SPDYE18: variants seen among roughly 807,000 people sequenced by gnomAD.
The protein encoded by SPDYE18 is speedy/RINGO cell cycle regulator family member E18.
A neutral mutation model predicts 44.9 loss-of-function variants in SPDYE18; 6 were observed. The ratio of observed to expected loss-of-function variants is 0.13; its 90% confidence interval spans 0.07 to 0.26. SPDYE18 has a LOEUF of 0.26. Among genes scored for constraint, SPDYE18 ranks in the 10% least tolerant of loss-of-function variants. The pLI is 1.00. For synonymous variants in SPDYE18, 35 were observed against 177.1 expected, an observed-to-expected ratio of 0.20 and a Z score of 6.37; for missense variants, 121 against 463.2, an observed-to-expected ratio of 0.26 and a Z score of 6.78.
In SPDYE18 at chr7:77,051,652, TC is replaced by T. The variant is rs1245300632; in HGVS notation, c.*272del. Among the ~76,000 whole-genome samples, 1 of 152,106 alleles carries T rather than the reference TC, an allele frequency of 6.6e-6. No homozygotes were observed. ...CAGGAAAGGGTGGAACTGGAAACACTCCTGTTTTCTTACTTTTCTCCAAGGA... is the reference window on the plus strand; with the variant it reads ...CAGGAAAGGGTGGAACTGGAAACACTCTGTTTTCTTACTTTTCTCCAAGGA... On this transcript the variant is annotated 3_prime_UTR_variant, in exon 9 of 9. Transcript: ENST00000510091.
At position 77,060,371 on chromosome 7, in the gene SPDYE18, C is replaced by T; in HGVS notation, c.142G>A (p.Glu48Lys). 6.5e-7 allele frequency: 1 copy of T among 1,535,498 alleles called. No individual in the cohort carries two copies. The highest frequency in any genetic ancestry group is 1.2e-5 in the South Asian group (1 of 83,964). The part of the protein sequence containing the change: ...GYPLQEVVDD[E>K]VLGPSAPGVD... ...CCCTCACCTGATGGTCCCAACACTT[C>T]ATCATCCACCACCTCCTGGAGGGGG... Residue 48 changes from glutamate (E) to lysine (K), a missense_variant, in exon 2 of 9, where the codon GAA becomes AAA. Physicochemically the swap from Glu to Lys is moderately conservative, Grantham distance 56. Transcript: ENST00000510091.
intron 6 of SPDYE18, among the ~76,000 whole-genome samples, chr7:77,053,643 C>T (rs1459191077): frequency 6.6e-6 from 1 of 152,328 alleles, no homozygotes. Context: ...AGTTGGAGAC[C>T]AGCCTGGTCA....
At position 77,055,554 on chromosome 7, in the gene SPDYE18, G is replaced by A. The variant is rs983110590; in HGVS notation, c.670-233C>T. Among the ~76,000 whole-genome samples, 54 of 125,518 alleles carry A rather than the reference G, an allele frequency of 4.3e-4. 2 individuals are homozygous for A. Among genetic ancestry groups the A allele is most frequent in the Non-Finnish European group, 7.0e-4 (43 of 61,336 alleles). The allele number at this position is 125,518 out of a possible 152,430, so 82.3% of individuals were successfully genotyped here. On this transcript the variant is annotated intron_variant, in intron 5 of 8. Coordinates refer to ENST00000510091, the MANE Select transcript of SPDYE18 (RefSeq NM_001394953.1). Reference sequence around the variant, plus strand: ...TGATGCTCCCAGGATGGTGGGCTCCGATGGGATCTTTGGAGGGGGTGTGTC... The same window carrying A: ...TGATGCTCCCAGGATGGTGGGCTCCAATGGGATCTTTGGAGGGGGTGTGTC...
At position 77,051,289 on chromosome 7, in the gene SPDYE18, CT is replaced by C; in HGVS notation, c.*635del. ...CTCTTAAAAATGAAAAGAAAATTAT[CT>C]TTATGTATATATAACAACTATAACT... On this transcript the variant is annotated 3_prime_UTR_variant, in exon 9 of 9. Coordinates refer to ENST00000510091, the MANE Select transcript of SPDYE18 (RefSeq NM_001394953.1). Among the ~76,000 whole-genome samples, 1 of 152,178 alleles carries C rather than the reference CT, an allele frequency of 6.6e-6. No homozygotes were observed. The highest frequency in any genetic ancestry group is 2.1e-4 in the South Asian group (1 of 4,828).
intron 6 of SPDYE18, among the ~76,000 whole-genome samples, chr7:77,054,541 G>A (rs1359806795): frequency 2.0e-5 from 3 of 151,268 alleles, no homozygotes; most frequent in Non-Finnish European, 3.0e-5. Flanking sequence ...CGAGTGATGC[G>A]AGGGGGACCT....
chr7:77,054,296 A>G (rs3864631), intron 6 of SPDYE18, among the ~76,000 whole-genome samples: 26 of 149,376 alleles, frequency 1.7e-4, no homozygotes, highest in African/African-American at 3.5e-4. Flanking sequence ...CATTTGGAAG[A>G]AGCAGTGAAG....
Position 77,060,438 on chromosome 7 carries a change from G to A in SPDYE18, c.75C>T (p.His25=), listed in dbSNP as rs1339298307. The A allele has an allele frequency of 6.5e-6, 10 of 1,535,348 alleles. No individual in the cohort carries two copies. Among genetic ancestry groups the A allele is most frequent in the Admixed American group, 3.9e-5 (2 of 50,970 alleles). The change falls in exon 2 of 9, where the codon CAC becomes CAT. Residue 25 remains histidine, a synonymous_variant. Transcript: ENST00000510091. The part of the protein sequence containing the change: ...TGKITTSRQP[H]PQNEQSLQRS... ...GCTGGAGACTCTGCTCATTCTGGGG[G>A]TGCGGTTGACGGCTGGTCGTGATCT...
In SPDYE18 at chr7:77,051,123, G is replaced by T. The variant is rs1286918341; in HGVS notation, c.*802C>A. On this transcript the variant is annotated 3_prime_UTR_variant, in exon 9 of 9. Transcript: ENST00000510091. ...ATCACCAGAATTATGTTTTTTTCTG[G>T]TGGGGAACTACCAATAGCTATAAAT... is the stretch of plus-strand genomic sequence containing the variant. Among the ~76,000 whole-genome samples, 25 of 151,936 alleles carry T rather than the reference G, an allele frequency of 1.6e-4. No individual in the cohort carries two copies. Among genetic ancestry groups the T allele is most frequent in the Admixed American group, 1.6e-3 (25 of 15,276 alleles).
At chr7:77,059,059 TCCTGCGTGGAGAGCTCAC>T in intron 3 of SPDYE18, 103 bp downstream of exon 3, 1 of 1,515,356 alleles carries the variant, frequency 6.6e-7, no homozygotes, top group Non-Finnish European at 8.8e-7. Context: ...TTCTGAGTCC[TCCTGCGTGGAGAGCTCAC>T]CCACTGGGGG....
intron 6 of SPDYE18, among the ~76,000 whole-genome samples, chr7:77,053,669 A>G (rs1789860710): frequency 1.3e-5 from 2 of 152,206 alleles, no homozygotes; most frequent in South Asian, 4.1e-4. Context: ...GAGAAACCCC[A>G]TCTCTACTAA....
In SPDYE18 at chr7:77,062,547, T is replaced by G. The variant is rs1337063383; in HGVS notation, c.-473A>C. Reference sequence around the variant, plus strand: ...CCTGGGCCCAGATCTGGGGTCTGTCTCTGCTGAGGGTGGGGTGAACCAGGA... The same window carrying G: ...CCTGGGCCCAGATCTGGGGTCTGTCGCTGCTGAGGGTGGGGTGAACCAGGA... On this transcript the variant is annotated 5_prime_UTR_variant, in exon 1 of 9. Coordinates refer to ENST00000510091, the MANE Select transcript of SPDYE18 (RefSeq NM_001394953.1). Among the ~76,000 whole-genome samples the G allele has an allele frequency of 1.3e-5, 2 of 152,162 alleles. No individual in the cohort carries two copies. Among genetic ancestry groups the G allele is most frequent in the African/African-American group, 4.8e-5 (2 of 41,448 alleles).
At chr7:77,053,703 G>A (rs1459252965) in intron 6 of SPDYE18, among the ~76,000 whole-genome samples, 92 of 152,220 alleles carry the variant, frequency 6.0e-4, no homozygotes, top group African/African-American at 2.0e-3. Flanking sequence ...AGCCTGGTGC[G>A]GTGGCACACC....
intron 3 of SPDYE18, 143 bp downstream of exon 3, chr7:77,059,037 A>G: frequency 7.4e-7 from 1 of 1,349,852 alleles, no homozygotes; most frequent in Admixed American, 2.5e-5. Context: ...AGTGTCCCTC[A>G]TGAGTGATCA....
chr7:77,051,592 TG>T lies in SPDYE18; in HGVS notation c.*332del, dbSNP rs1789798682. On this transcript the variant is annotated 3_prime_UTR_variant, in exon 9 of 9. Coordinates refer to ENST00000510091, the MANE Select transcript of SPDYE18 (RefSeq NM_001394953.1). The stretch of plus-strand genomic sequence containing the variant: ...CCTCCAGGTTCCGGCCCAGGGAGGT[TG>T]GAATTCAGCAATATAGAAAGGGTGG... Among the ~76,000 whole-genome samples, 1 of 152,286 alleles carries T rather than the reference TG, an allele frequency of 6.6e-6. No homozygotes were observed. The highest frequency in any genetic ancestry group is 2.1e-4 in the South Asian group (1 of 4,834).
chr7:77,052,842 A>G lies in SPDYE18; in HGVS notation c.1000-5T>C. The G allele has an allele frequency of 1.2e-6, 2 of 1,611,822 alleles. No individual in the cohort carries two copies. Among genetic ancestry groups the G allele is most frequent in the Non-Finnish European group, 8.5e-7 (1 of 1,179,690 alleles). On this transcript the variant is annotated splice_region_variant and splice_polypyrimidine_tract_variant and intron_variant, in intron 7 of 8. Transcript: ENST00000510091. ...CTCTGGGTCATAAGCCTGGATCTGG[A>G]AAAACAAACGCCCTTTGAGAAGACG...
At position 77,051,349 on chromosome 7, in the gene SPDYE18, A is replaced by T. The variant is rs1410884909; in HGVS notation, c.*576T>A. ...AAAACTACAGGAACAGCATGTTTTCAAAAGTACAACAATTTCCAAACTATT... is the reference window on the plus strand; with the variant it reads ...AAAACTACAGGAACAGCATGTTTTCTAAAGTACAACAATTTCCAAACTATT... On this transcript the variant is annotated 3_prime_UTR_variant, in exon 9 of 9. Transcript: ENST00000510091. Among the ~76,000 whole-genome samples, 2 of 152,298 alleles carry T rather than the reference A, an allele frequency of 1.3e-5. No individual in the cohort carries two copies. The highest frequency in any genetic ancestry group is 4.8e-5 in the African/African-American group (2 of 41,486).
At chr7:77,059,931 T>C (rs1789993088) in intron 2 of SPDYE18, among the ~76,000 whole-genome samples, 1 of 150,010 alleles carries the variant, frequency 6.7e-6, no homozygotes, top group Non-Finnish European at 1.5e-5. Flanking sequence ...ATTACAGGTG[T>C]GAGCCACTGC....
chr7:77,051,173 A>G lies in SPDYE18; in HGVS notation c.*752T>C, dbSNP rs1260582734. On this transcript the variant is annotated 3_prime_UTR_variant, in exon 9 of 9. Coordinates refer to ENST00000510091, the MANE Select transcript of SPDYE18 (RefSeq NM_001394953.1). ...TAGAAGAGATTTTTATGGAAGTATC[A>G]TAGATAAAAAGAGTGCTCGCTTCAG... Among the ~76,000 whole-genome samples, 1 of 152,138 alleles carries G rather than the reference A, an allele frequency of 6.6e-6. No homozygotes were observed. Among genetic ancestry groups the G allele is most frequent in the East Asian group, 1.9e-4 (1 of 5,208 alleles).
intron 6 of SPDYE18, 80 bp from the exon 7 acceptor site, chr7:77,053,283 G>A: frequency 1.3e-6 from 2 of 1,547,730 alleles, no homozygotes; most frequent in South Asian, 2.5e-5. Context: ...CAGAGAGGAA[G>A]GTAAGGGACT....
Sources: allele counts gnomAD v4.1 joint callset (sites outside exome capture counted in the v4.1 genomes callset), GRCh38; gene constraint gnomAD v4.1.1; transcripts MANE v1.5; gene names NCBI Gene and HGNC (gene_info 2026-07-23, HGNC 2026-07-21).